SLC35A1: variants seen among roughly 807,000 people sequenced by gnomAD.
SLC35A1 encodes solute carrier family 35 member A1.
A neutral mutation model predicts 40.3 loss-of-function variants in SLC35A1; 21 were observed. The ratio of observed to expected loss-of-function variants is 0.52; its 90% CI spans 0.37 to 0.75. The LOEUF (loss-of-function observed/expected upper bound fraction) is 0.75, where lower values mean the gene tolerates loss of function less well. Ranked by LOEUF, SLC35A1 falls within the 30% of genes least tolerant of loss-of-function variation. SLC35A1 has a pLI of 0.00. For synonymous variants in SLC35A1, 146 were observed against 147.3 expected (o/e 0.99, Z 0.06); for missense variants, 297 against 382.1 (o/e 0.78, Z 1.86).
intron 2 of SLC35A1, chr6:87,499,082 T>A (rs1009640347): frequency 5.3e-5 from 52 of 975,690 alleles, no homozygotes; most frequent in Non-Finnish European, 6.3e-5. Flanking sequence ...GTCTTTTGTT[T>A]CTGTGGCTTA....
In SLC35A1 at chr6:87,500,655, A is replaced by AGCC. The variant is rs1769889663; in HGVS notation, c.344_345insCGC (p.Ala115dup). The AGCC allele has an allele frequency of 6.2e-7, 1 of 1,614,044 alleles. No individual in the cohort carries two copies. Among genetic ancestry groups the AGCC allele is most frequent in the African/African-American group, 1.3e-5 (1 of 74,940 alleles). On this transcript the variant is annotated inframe_insertion, in exon 3 of 8. Transcript: ENST00000369552. ...TCCTAGCTCTTAGCAATCTGGATGC[A>AGCC]GCAGTGTACCAGGTAAGTGGAGTTA... is the stretch of plus-strand genomic sequence containing the variant.
At chr6:87,479,160 A>G (rs1769175204) in intron 2 of SLC35A1, among the ~76,000 whole-genome samples, 1 of 152,250 alleles carries the variant, frequency 6.6e-6, no homozygotes, top group Non-Finnish European at 1.5e-5. Flanking sequence ...GATTCTTCGA[A>G]GAGAAATTTA....
intron 4 of SLC35A1, among the ~76,000 whole-genome samples, chr6:87,504,714 C>G (rs559504911): frequency 6.6e-4 from 101 of 152,306 alleles, no homozygotes; most frequent in African/African-American, 2.2e-3. Context: ...TTGTCAGAAT[C>G]AAGTCCAGAT....
At chr6:87,510,146 T>C (rs1770217889) in intron 7 of SLC35A1, among the ~76,000 whole-genome samples, 1 of 152,192 alleles carries the variant, frequency 6.6e-6, no homozygotes, top group Non-Finnish European at 1.5e-5. Flanking sequence ...ATATCACCTA[T>C]TGCCTAGTGG....
At chr6:87,484,532 C>T (rs886721786) in intron 2 of SLC35A1, among the ~76,000 whole-genome samples, 15 of 152,036 alleles carry the variant, frequency 9.9e-5, no homozygotes, top group African/African-American at 3.6e-4. Context: ...GGTTAGACCG[C>T]ACAGGCTAAA....
intron 5 of SLC35A1, chr6:87,506,759 C>G (rs1770093760): frequency 3.0e-6 from 1 of 335,254 alleles, no homozygotes; most frequent in African/African-American, 2.1e-5. Flanking sequence ...CTTCAGAAAG[C>G]CCTTTCCTTT....
chr6:87,503,563 T>C (rs1769984607), intron 4 of SLC35A1, among the ~76,000 whole-genome samples: 2 of 151,958 alleles, frequency 1.3e-5, no homozygotes, highest in South Asian at 4.2e-4. Context: ...ATACAAAAAC[T>C]TAGCTGGGCG....
chr6:87,484,421 G>A (rs1368393454), intron 2 of SLC35A1, among the ~76,000 whole-genome samples: 1 of 152,204 alleles, frequency 6.6e-6, no homozygotes, highest in Non-Finnish European at 1.5e-5. Flanking sequence ...CACCCTCACA[G>A]TTGGAGCAGT....
At chr6:87,491,798 GGA>G (rs1345265758) in intron 2 of SLC35A1, among the ~76,000 whole-genome samples, 2 of 152,114 alleles carry the variant, frequency 1.3e-5, no homozygotes, top group African/African-American at 4.8e-5. Context: ...TTCATGTGAT[GGA>G]GAGAGAGATG....
chr6:87,481,417 CAAAAAAA>C (rs200106266), intron 2 of SLC35A1, among the ~76,000 whole-genome samples: 12,049 of 116,836 alleles, frequency 0.1, 504 homozygotes, highest in East Asian at 0.13. Flanking sequence ...AACTCTGACT[CAAAAAAA>C]AAAAAAAAAA....
chr6:87,508,629 A>T (rs755685133), intron 6 of SLC35A1, 33 bp downstream of exon 6: 129 of 1,558,230 alleles, frequency 8.3e-5, no homozygotes, highest in Middle Eastern at 6.7e-4. Flanking sequence ...TTCTTAGTAG[A>T]TCCTTTATTT....
At chr6:87,485,986 G>C (rs549670428) in intron 2 of SLC35A1, among the ~76,000 whole-genome samples, 26 of 152,240 alleles carry the variant, frequency 1.7e-4, no homozygotes, top group Admixed American at 9.2e-4. Flanking sequence ...TGAAGTAAAA[G>C]CTTCTTCCTT....
chr6:87,481,915 T>A lies in SLC35A1; in HGVS notation c.194+4376T>A, dbSNP rs181762408. ...ACTTGCTTAAACGCTCAAAACAAAATTTTTTTTAACCTTTTAATGTAGGTA... is the reference window on the plus strand; with the variant it reads ...ACTTGCTTAAACGCTCAAAACAAAAATTTTTTTAACCTTTTAATGTAGGTA... On this transcript the variant is annotated intron_variant, in intron 2 of 7. Transcript: ENST00000369552. Among the ~76,000 whole-genome samples, 802 of 152,198 alleles carry A rather than the reference T, an allele frequency of 5.3e-3. 3 individuals are homozygous for A. The highest frequency in any genetic ancestry group is 8.0e-3 in the Non-Finnish European group (547 of 67,984).
chr6:87,506,634 A>C (rs930545563), intron 5 of SLC35A1, among the ~76,000 whole-genome samples, 186 bp downstream of exon 5: 5 of 152,094 alleles, frequency 3.3e-5, no homozygotes, highest in African/African-American at 4.8e-5. Context: ...CTAAGTTCAG[A>C]CTCAGTCCCT....
At chr6:87,506,503 A>G in intron 5 of SLC35A1, 55 bp downstream of exon 5, 1 of 1,306,584 alleles carries the variant, frequency 7.7e-7, no homozygotes, top group South Asian at 1.2e-5. Context: ...AAAACATCAA[A>G]CTTTAGACAC....
chr6:87,500,075 C>T (rs968589639), intron 2 of SLC35A1, among the ~76,000 whole-genome samples: 17 of 151,738 alleles, frequency 1.1e-4, no homozygotes, highest in East Asian at 1.9e-4. Flanking sequence ...GCACTCCAGC[C>T]GGGGCGACAC....
rs370551846 is a variant in SLC35A1, at chr6:87,511,469, C to T, written c.957C>T (p.Asp319=). ...ATCTCTATGGATTACCCAGACAAGA[C>T]ACTACATCCATCCAACAAGGAGAAA... is the stretch of plus-strand genomic sequence containing the variant. The part of the protein sequence containing the change: ...SIYLYGLPRQ[D]TTSIQQGETA... The change falls in exon 8 of 8, where the codon GAC becomes GAT. Residue 319 remains aspartate, a synonymous_variant. Transcript: ENST00000369552. The T allele has an allele frequency of 1.4e-5, 22 of 1,613,576 alleles. No homozygotes were observed. The highest frequency in any genetic ancestry group is 1.8e-5 in the Non-Finnish European group (21 of 1,179,778).
chr6:87,497,994 G>T (rs1769794754), intron 2 of SLC35A1, among the ~76,000 whole-genome samples: 1 of 151,892 alleles, frequency 6.6e-6, no homozygotes, highest in African/African-American at 2.4e-5. Flanking sequence ...CTCCTGAGTA[G>T]CTGGGATACA....
chr6:87,482,691 G>A (rs1188538638), intron 2 of SLC35A1, among the ~76,000 whole-genome samples: 2 of 152,170 alleles, frequency 1.3e-5, no homozygotes, highest in Non-Finnish European at 2.9e-5. Context: ...CCTTTATATG[G>A]TAATTAATTA....
Sources: gnomAD v4.1 joint callset for allele counts (sites outside exome capture counted in the v4.1 genomes callset) on GRCh38, gnomAD v4.1.1 for gene constraint, MANE v1.5 for transcripts, NCBI Gene and HGNC (gene_info 2026-07-23, HGNC 2026-07-21) for gene names.